Variants in OR7D4 observed in about 807,000 individuals in gnomAD.
OR7D4 encodes the protein olfactory receptor family 7 subfamily D member 4.
For missense variants in OR7D4, 319 were observed against 377.1 expected (o/e 0.85, Z 1.27); for synonymous variants, 154 against 158.4 (o/e 0.97, Z 0.21).
In OR7D4 at chr19:9,210,281, A is replaced by C. The variant is rs1005749247; in HGVS notation, c.*3618T>G. ...AATATTGTTGAGTACCTCACCTCTG[A>C]GCCATGGGTGGAATGTGAAAGTTTA... is the stretch of plus-strand genomic sequence containing the variant. On this transcript the variant is annotated 3_prime_UTR_variant, in exon 2 of 2. Coordinates refer to ENST00000641669, the MANE Select transcript of OR7D4 (RefSeq NM_001005191.3). The C allele has an allele frequency of 1.3e-5, 2 of 152,094 alleles. No individual in the cohort carries two copies. The highest frequency in any genetic ancestry group is 2.9e-5 in the Non-Finnish European group (2 of 68,042). 9.4% of individuals were successfully genotyped at this position (152,094 alleles called of 1,614,324 possible). A position where few individuals can be genotyped will look rare whatever the true frequency, so the allele number is the denominator to read the frequency against.
intron 1 of OR7D4, among the ~76,000 whole-genome samples, chr19:9,218,426 T>C (rs541183242): frequency 4.8e-4 from 73 of 152,184 alleles, no homozygotes; most frequent in African/African-American, 1.7e-3. Flanking sequence ...AAAAAATGCA[T>C]TTGAAAAAGA....
At chr19:9,216,383 C>G (rs1292137034) in intron 1 of OR7D4, among the ~76,000 whole-genome samples, 1 of 152,142 alleles carries the variant, frequency 6.6e-6, no homozygotes, top group Non-Finnish European at 1.5e-5. Flanking sequence ...CACAGCCAAA[C>G]TATGTGAATC....
chr19:9,211,380 GA>G lies in OR7D4; in HGVS notation c.*2518del, dbSNP rs2051171572. 6.6e-6 allele frequency: 1 copy of G among 152,222 alleles called. No homozygotes were observed. The highest frequency in any genetic ancestry group is 1.5e-5 in the Non-Finnish European group (1 of 68,044). 9.4% of individuals were successfully genotyped at this position (152,222 alleles called of 1,614,324 possible). On this transcript the variant is annotated 3_prime_UTR_variant, in exon 2 of 2. Coordinates refer to ENST00000641669, the MANE Select transcript of OR7D4 (RefSeq NM_001005191.3). ...TAAAGTTACCAAGTTAGGCTGCAAA[GA>G]TCAGCAGTTTCTAACATGCCAACAT...
intron 1 of OR7D4, among the ~76,000 whole-genome samples, chr19:9,215,318 G>C (rs1317897205): frequency 5.2e-5 from 7 of 134,188 alleles, no homozygotes; most frequent in Non-Finnish European, 1.5e-5. Context: ...ACTCCAGCCT[G>C]GTGACAAAGT....
In OR7D4 at chr19:9,215,363, A is replaced by C. The variant is rs1266276441; in HGVS notation, c.-13-513T>G. On this transcript the variant is annotated intron_variant, in intron 1 of 1. Transcript: ENST00000641669. Reference sequence around the variant, plus strand: ...TCTCAAAAAAAAAAAAAAAAAAAAAAAACCTCTTTTTTTCATTTACTCACC... The same window carrying C: ...TCTCAAAAAAAAAAAAAAAAAAAAACAACCTCTTTTTTTCATTTACTCACC... 1.3e-4 allele frequency among the ~76,000 whole-genome samples: 19 copies of C among 150,452 alleles called. No individual in the cohort carries two copies. In the East Asian group the frequency reaches 3.7e-3, roughly 29 times the overall value.
Position 9,213,317 on chromosome 19 carries a change from T to C in OR7D4, c.*582A>G, listed in dbSNP as rs886139736. 1 of 152,034 alleles carries C rather than the reference T, an allele frequency of 6.6e-6. No homozygotes were observed. The highest frequency in any genetic ancestry group is 2.4e-5 in the African/African-American group (1 of 41,244). The allele number at this position is 152,034 out of a possible 1,614,324, so 9.4% of individuals were successfully genotyped here. ...GAGTGGTAAGAAAACTGATCAAAGA[T>C]GGAACTTTATGGGAAACATCTAGGG... On this transcript the variant is annotated 3_prime_UTR_variant, in exon 2 of 2. Transcript: ENST00000641669.
At position 9,214,765 on chromosome 19, in the gene OR7D4, G is replaced by C. The variant is rs1221153509; in HGVS notation, c.73C>G (p.Pro25Ala). 1.2e-6 allele frequency: 2 copies of C among 1,614,018 alleles called. No individual in the cohort carries two copies. Among genetic ancestry groups the C allele is most frequent in the East Asian group, 4.5e-5 (2 of 44,874 alleles). Reference protein sequence around the residue: ...LGLSDDPELQPVLFGLFLSMY... With the variant: ...LGLSDDPELQAVLFGLFLSMY... ...GACAGGAACAGCCCAAAGAGGACGG[G>C]CTGCAGTTCAGGATCATCTGAGAGT... Residue 25 changes from proline to alanine, a missense_variant, in exon 2 of 2, where the codon CCC becomes GCC. Coordinates refer to ENST00000641669, the MANE Select transcript of OR7D4 (RefSeq NM_001005191.3).
In OR7D4 at chr19:9,214,408, G is replaced by A. The variant is rs1284131796; in HGVS notation, c.430C>T (p.Leu144=). 1 of 1,614,184 alleles carries A rather than the reference G, an allele frequency of 6.2e-7. No individual in the cohort carries two copies. The highest frequency in any genetic ancestry group is 1.6e-4 in the Middle Eastern group (1 of 6,062). Reference sequence around the variant, plus strand: ...ATGATGAACCAAGATGCCAGAACCAGGAGGCCACAGAGGCAGGGGTTCATG... The same window carrying A: ...ATGATGAACCAAGATGCCAGAACCAAGAGGCCACAGAGGCAGGGGTTCATG... ...VIMNPCLCGL[L]VLASWFIIFW... Residue 144 remains leucine (L), a synonymous_variant, in exon 2 of 2, where the codon CTG becomes TTG. Transcript: ENST00000641669.
intron 1 of OR7D4, among the ~76,000 whole-genome samples, chr19:9,218,652 C>T (rs912130423): frequency 6.6e-6 from 1 of 151,850 alleles, no homozygotes; most frequent in Non-Finnish European, 1.5e-5. Flanking sequence ...TTGGGGGGGA[C>T]ATGGTGTCAC....
Position 9,217,084 on chromosome 19 carries a change from G to A in OR7D4, c.-14+2116C>T, listed in dbSNP as rs889787192. ...AAGATCCCTATGCTTCCCTGCTTCAGAGAATGTCTGCCCAGTGTATTCCTC... is the reference window on the plus strand; with the variant it reads ...AAGATCCCTATGCTTCCCTGCTTCAAAGAATGTCTGCCCAGTGTATTCCTC... On this transcript the variant is annotated intron_variant, in intron 1 of 1. Coordinates refer to ENST00000641669, the MANE Select transcript of OR7D4 (RefSeq NM_001005191.3). Among the ~76,000 whole-genome samples, 43 of 152,272 alleles carry A rather than the reference G, an allele frequency of 2.8e-4. 2 individuals are homozygous for A. The highest frequency in any genetic ancestry group is 9.6e-4 in the African/African-American group (40 of 41,544).
At chr19:9,216,171 A>C (rs1032943540) in intron 1 of OR7D4, among the ~76,000 whole-genome samples, 26 of 152,274 alleles carry the variant, frequency 1.7e-4, no homozygotes, top group African/African-American at 6.0e-4. Context: ...ACACATGGGA[A>C]TTCAAGATGA....
chr19:9,216,035 G>A (rs2051208670), intron 1 of OR7D4, among the ~76,000 whole-genome samples: 1 of 152,112 alleles, frequency 6.6e-6, no homozygotes, highest in Non-Finnish European at 1.5e-5. Context: ...AAGAGAGAAA[G>A]CTTGTGCAAG....
rs1198134487 is a variant in OR7D4 at position 9,214,733 on chromosome 19, G to A, written c.105C>T (p.Tyr35=). ...GCAGGTTCCCCAGCACCGTGACCAG[G>A]TACATGGACAGGAACAGCCCAAAGA... is the stretch of plus-strand genomic sequence containing the variant. ...PVLFGLFLSM[Y]LVTVLGNLLI... The change falls in exon 2 of 2, where the codon TAC becomes TAT. Residue 35 remains tyrosine (Y), a synonymous_variant. Transcript: ENST00000641669. 1.2e-6 allele frequency: 2 copies of A among 1,613,916 alleles called. No individual in the cohort carries two copies. The highest frequency in any genetic ancestry group is 2.7e-5 in the African/African-American group (2 of 74,920).
Position 9,214,481 on chromosome 19 carries a change from G to A in OR7D4, c.357C>T (p.Ala119=), listed in dbSNP as rs1333035257. Residue 119 remains alanine (A), a synonymous_variant, in exon 2 of 2, where the codon GCC becomes GCT. Coordinates refer to ENST00000641669, the MANE Select transcript of OR7D4 (RefSeq NM_001005191.3). The part of the protein sequence containing the change: ...GMDTFLLAVM[A]YDRFVAICHP... Reference sequence around the variant, plus strand: ...GGCAGATGGCCACAAACCGGTCATAGGCCATCACGGCCAGTAGGAAAGTAT... The same window carrying A: ...GGCAGATGGCCACAAACCGGTCATAAGCCATCACGGCCAGTAGGAAAGTAT... 6.2e-7 allele frequency: 1 copy of A among 1,614,134 alleles called. No individual in the cohort carries two copies. The highest frequency in any genetic ancestry group is 1.3e-5 in the African/African-American group (1 of 75,040).
At chr19:9,218,224 T>G (rs2146015085) in intron 1 of OR7D4, among the ~76,000 whole-genome samples, 1 of 152,162 alleles carries the variant, frequency 6.6e-6, no homozygotes, top group African/African-American at 2.4e-5. Flanking sequence ...ATCTTCAAGT[T>G]TAAGACATGT....
chr19:9,211,731 C>CTACTCGAGA lies in OR7D4; in HGVS notation c.*2167_*2168insTCTCGAGTA. 1 of 146,754 alleles carries CTACTCGAGA rather than the reference C, an allele frequency of 6.8e-6. No homozygotes were observed. The highest frequency in any genetic ancestry group is 2.1e-4 in the East Asian group (1 of 4,872). The allele number at this position is 146,754 out of a possible 1,614,324, so 9.1% of individuals were successfully genotyped here. On this transcript the variant is annotated 3_prime_UTR_variant, in exon 2 of 2. Coordinates refer to ENST00000641669, the MANE Select transcript of OR7D4 (RefSeq NM_001005191.3). ...TGGTGGCGTGCGCCTGTAATCCCAG[C>CTACTCGAGA]GCCACTGTGCTCTAGCCTGGGCGAC...
rs2051238313 is a variant in OR7D4, at chr19:9,219,190, T to C, written c.-14+10A>G. ...AAAATCCAATCACATTAGGAACACA[T>C]AGACAATACCTTGAGCATAGTAGAT... is the stretch of plus-strand genomic sequence containing the variant. On this transcript the variant is annotated intron_variant, in intron 1 of 1. Transcript: ENST00000641669. The C allele has an allele frequency of 6.6e-6, 1 of 152,090 alleles. No homozygotes were observed. The highest frequency in any genetic ancestry group is 2.4e-5 in the African/African-American group (1 of 41,400). The allele number at this position is 152,090 out of a possible 1,614,324, so 9.4% of individuals were successfully genotyped here.
Position 9,213,918 on chromosome 19 carries a change from C to T in OR7D4, c.920G>A (p.Arg307Lys). 1 of 1,614,000 alleles carries T rather than the reference C, an allele frequency of 6.2e-7. No homozygotes were observed. Among genetic ancestry groups the T allele is most frequent in the Non-Finnish European group, 8.5e-7 (1 of 1,179,904 alleles). The change falls in exon 2 of 2, where the codon AGG (arginine) becomes AAG (lysine). Residue 307 changes from arginine to lysine, a missense_variant. Physicochemically the swap from Arg to Lys is conservative, Grantham distance 26. Transcript: ENST00000641669. ...GATTTGTCATGGACAAGAGTCGGCC[C>T]TGCTGAGGAGTCTTTCCAGGGCCCC... ...VKGALERLLSRADSCP is the reference protein window; with the variant it reads ...VKGALERLLSKADSCP
chr19:9,219,222 T>C lies in OR7D4; in HGVS notation c.-36A>G, dbSNP rs1372798200. 1.3e-5 allele frequency: 2 copies of C among 152,036 alleles called. No individual in the cohort carries two copies. Among genetic ancestry groups the C allele is most frequent in the Non-Finnish European group, 1.5e-5 (1 of 68,030 alleles). 9.4% of individuals were successfully genotyped at this position (152,036 alleles called of 1,614,324 possible). ...TACCTTGAGCATAGTAGATCTTCCG[T>C]GAGTAGTTAATGAATAAGTAACTGG... On this transcript the variant is annotated 5_prime_UTR_variant, in exon 1 of 2. Coordinates refer to ENST00000641669, the MANE Select transcript of OR7D4 (RefSeq NM_001005191.3).
Sources: gnomAD v4.1 joint callset for allele counts (sites outside exome capture counted in the v4.1 genomes callset) on GRCh38, gnomAD v4.1.1 for gene constraint, MANE v1.5 for transcripts, NCBI Gene and HGNC (gene_info 2026-07-23, HGNC 2026-07-21) for gene names.